Variants in ZCCHC24 observed in about 807,000 individuals in gnomAD.
The protein encoded by ZCCHC24 is zinc finger CCHC domain-containing protein 24.
A neutral mutation model predicts 26.2 loss-of-function variants in ZCCHC24; 10 were observed. The observed-to-expected ratio is 0.38, with a 90% CI of 0.24 to 0.65. The LOEUF (loss-of-function observed/expected upper bound fraction) is 0.65. ZCCHC24 is among the 30% of genes least tolerant of loss of function. ZCCHC24 has a pLI of 0.54. For synonymous variants in ZCCHC24, 144 were observed against 147.1 expected (o/e 0.98, Z 0.15); for missense variants, 243 against 329.1 (o/e 0.74, Z 2.03).
At chr10:79,434,217 C>T (rs1216079272) in intron 1 of ZCCHC24, among the ~76,000 whole-genome samples, 1 of 152,212 alleles carries the variant, frequency 6.6e-6, no homozygotes, top group Non-Finnish European at 1.5e-5. Context: ...CACACAGTCA[C>T]CTATAGTGAC....
chr10:79,385,886 T>C lies in ZCCHC24; in HGVS notation c.*459A>G, dbSNP rs1046445. On this transcript the variant is annotated 3_prime_UTR_variant, in exon 4 of 4. Coordinates refer to ENST00000372336, the MANE Select transcript of ZCCHC24 (RefSeq NM_153367.4). The surrounding 1 kb of genome is among the most constrained non-coding windows in gnomAD (Gnocchi z 4.3). ...TGCTGACTCAGGAAAGAGGGATTTCTGAGAGTGGCTTTCCATACAGGGCAA... is the reference window on the plus strand; with the variant it reads ...TGCTGACTCAGGAAAGAGGGATTTCCGAGAGTGGCTTTCCATACAGGGCAA... 0.93 allele frequency: 315,901 copies of C among 340,280 alleles called. 146,926 individuals carry two copies. Among genetic ancestry groups the C allele is most frequent in the East Asian group, 1 (22,254 of 22,296 alleles). The allele number at this position is 340,280 out of a possible 1,614,324, so 21.1% of individuals were successfully genotyped here.
chr10:79,426,988 A>G (rs1857036061), intron 2 of ZCCHC24, among the ~76,000 whole-genome samples: 1 of 151,944 alleles, frequency 6.6e-6, no homozygotes, highest in South Asian at 2.1e-4. Context: ...TTGGAAATAA[A>G]AGATAGGAAA....
chr10:79,430,299 T>A (rs1282127819), intron 2 of ZCCHC24, among the ~76,000 whole-genome samples: 3 of 151,788 alleles, frequency 2.0e-5, no homozygotes, highest in Non-Finnish European at 4.4e-5. Flanking sequence ...CCTTCACGAG[T>A]CCAGGACAGA....
intron 1 of ZCCHC24, among the ~76,000 whole-genome samples, chr10:79,443,007 AG>A (rs927446211): frequency 3.9e-5 from 6 of 152,156 alleles, no homozygotes; most frequent in African/African-American, 1.4e-4. Context: ...TGACTCCCCC[AG>A]CCCTCTCTTG....
At chr10:79,415,380 C>T (rs918536247) in intron 2 of ZCCHC24, among the ~76,000 whole-genome samples, 5 of 152,170 alleles carry the variant, frequency 3.3e-5, no homozygotes, top group African/African-American at 1.2e-4. Flanking sequence ...TCTGGGAATC[C>T]GTTCCAGCTC....
chr10:79,436,757 G>A (rs868339783), intron 1 of ZCCHC24, among the ~76,000 whole-genome samples: 15 of 152,246 alleles, frequency 9.9e-5, no homozygotes, highest in African/African-American at 3.6e-4. Context: ...TGGGCCGAGT[G>A]GAGGGGCACT....
intron 2 of ZCCHC24, among the ~76,000 whole-genome samples, chr10:79,427,966 G>A (rs1427657897): frequency 6.6e-6 from 1 of 152,162 alleles, no homozygotes; most frequent in East Asian, 1.9e-4. Flanking sequence ...TCCACCTGAA[G>A]AAACTAGAAA....
intron 2 of ZCCHC24, among the ~76,000 whole-genome samples, chr10:79,400,954 C>CCTGGTGCTTG (rs1856621356): frequency 6.6e-6 from 1 of 152,266 alleles, no homozygotes. Flanking sequence ...GAAGTCCCAC[C>CCTGGTGCTTG]ACGAGTGAGT....
chr10:79,414,870 C>T (rs1335408366), intron 2 of ZCCHC24, among the ~76,000 whole-genome samples: 1 of 152,212 alleles, frequency 6.6e-6, no homozygotes, highest in Non-Finnish European at 1.5e-5. Context: ...CTGATCTTGT[C>T]TAACCTCTCC....
chr10:79,409,794 C>A (rs1247119394), intron 2 of ZCCHC24, among the ~76,000 whole-genome samples: 2 of 152,224 alleles, frequency 1.3e-5, no homozygotes, highest in African/African-American at 2.4e-5. Context: ...TCAGTGGTGT[C>A]CCACCCGGGC....
intron 1 of ZCCHC24, among the ~76,000 whole-genome samples, chr10:79,437,302 C>T (rs2132222822): frequency 6.6e-6 from 1 of 152,312 alleles, no homozygotes; most frequent in South Asian, 2.1e-4. Context: ...ATCTGCCTGC[C>T]TCAGCCTCCC....
chr10:79,397,135 G>A (rs1054863352), intron 2 of ZCCHC24, among the ~76,000 whole-genome samples: 3 of 152,198 alleles, frequency 2.0e-5, no homozygotes, highest in Non-Finnish European at 2.9e-5. Flanking sequence ...GGGGACATAC[G>A]TGCTGAGTGC....
intron 2 of ZCCHC24, among the ~76,000 whole-genome samples, chr10:79,405,616 C>CT (rs1258146791): frequency 6.6e-6 from 1 of 152,240 alleles, no homozygotes; most frequent in African/African-American, 2.4e-5. Context: ...GAAGGCGTCC[C>CT]TGGCAAGGCC....
chr10:79,430,072 T>G (rs999525087), intron 2 of ZCCHC24, among the ~76,000 whole-genome samples: 2 of 152,182 alleles, frequency 1.3e-5, no homozygotes. Flanking sequence ...CTCTTCATAG[T>G]GACCCAAAGG....
Position 79,383,748 on chromosome 10 carries a change from A to G in ZCCHC24, c.*2597T>C, listed in dbSNP as rs1208900077. The G allele has an allele frequency of 6.6e-6, 1 of 152,662 alleles. No homozygotes were observed. The allele number at this position is 152,662 out of a possible 1,614,324, so 9.5% of individuals were successfully genotyped here. ...GTGAGAAAAACTGGTAACCATGCAG[A>G]AATTTTAACATCTATGAATTTTTTT... On this transcript the variant is annotated 3_prime_UTR_variant, in exon 4 of 4. Coordinates refer to ENST00000372336, the MANE Select transcript of ZCCHC24 (RefSeq NM_153367.4).
intron 2 of ZCCHC24, among the ~76,000 whole-genome samples, chr10:79,408,487 CT>C (rs1589666356): frequency 6.6e-6 from 1 of 152,208 alleles, no homozygotes. Flanking sequence ...CATTTACTTC[CT>C]TTCCACATGT....
intron 2 of ZCCHC24, among the ~76,000 whole-genome samples, chr10:79,396,635 TAG>T (rs530164997): frequency 1.1e-3 from 160 of 152,344 alleles, no homozygotes; most frequent in African/African-American, 3.7e-3. Context: ...GTTAGAAATG[TAG>T]AGTCTGGAGC....
intron 1 of ZCCHC24, among the ~76,000 whole-genome samples, chr10:79,435,005 T>C (rs1360544885): frequency 6.6e-6 from 1 of 151,854 alleles, no homozygotes; most frequent in Non-Finnish European, 1.5e-5. Flanking sequence ...CACCAGGGTC[T>C]CCCCTTATCT....
intron 2 of ZCCHC24, among the ~76,000 whole-genome samples, chr10:79,420,576 T>A (rs1856922700): frequency 6.6e-6 from 1 of 152,102 alleles, no homozygotes; most frequent in African/African-American, 2.4e-5. Flanking sequence ...GCCAGGAGTT[T>A]GAGACCAGCC....
Sources: gnomAD v4.1 joint callset for allele counts (sites outside exome capture counted in the v4.1 genomes callset) on GRCh38, gnomAD v4.1.1 for gene constraint, Gnocchi (gnomAD v3.1) non-coding constraint, MANE v1.5 for transcripts, NCBI Gene and HGNC (gene_info 2026-07-23, HGNC 2026-07-21) for gene names.